COQ6: variants seen among roughly 807,000 people sequenced by gnomAD.
COQ6 encodes ubiquinone biosynthesis monooxygenase COQ6, mitochondrial.
In COQ6, 45 loss-of-function variants were observed where a neutral mutation model predicts 55.5. The observed-to-expected ratio is 0.81, with a 90% confidence interval of 0.64 to 1.04. COQ6 has a LOEUF of 1.04. Ranked by LOEUF, COQ6 falls within the 50% of genes least tolerant of loss-of-function variation. The pLI, the probability that COQ6 is intolerant of heterozygous loss-of-function variation, is 0.00. For synonymous variants in COQ6, 206 were observed against 230.5 expected, an observed-to-expected ratio of 0.89 and a Z score of 0.96; for missense variants, 550 against 601.3, an observed-to-expected ratio of 0.91 and a Z score of 0.89.
In COQ6 at chr14:73,959,737, T is replaced by C; in HGVS notation, c.891+215T>C. ...GGCACGTGCCACCATGCCCAGCTAA[T>C]TTTTCTATTTTTAGTAGAGATGAGG... On this transcript the variant is annotated intron_variant, in intron 8 of 11. Transcript: ENST00000334571. 2.6e-6 allele frequency: 3 copies of C among 1,156,828 alleles called. No individual in the cohort carries two copies. In the South Asian group the frequency reaches 4.9e-5, roughly 19 times the overall value. The allele number at this position is 1,156,828 out of a possible 1,614,324, so 71.7% of individuals were successfully genotyped here. A position where few individuals can be genotyped will look rare whatever the true frequency, so the allele number is the denominator to read the frequency against.
intron 8 of COQ6, chr14:73,960,020 T>G (rs1370869164): frequency 9.8e-7 from 1 of 1,022,200 alleles, no homozygotes; most frequent in Non-Finnish European, 1.2e-6. Context: ...TTTTGAGGGT[T>G]GTGGGCTGCT....
Position 73,963,100 on chromosome 14 carries a change from CT to C in COQ6, c.*104del. ...GATCTTATTTAATTTAATAAACTTACTTTACATTAAAATTCTCTTTTTCTTC... is the reference window on the plus strand; with the variant it reads ...GATCTTATTTAATTTAATAAACTTACTTACATTAAAATTCTCTTTTTCTTC... On this transcript the variant is annotated 3_prime_UTR_variant, in exon 12 of 12. Transcript: ENST00000334571. 1.0e-6 allele frequency: 1 copy of C among 1,004,044 alleles called. No individual in the cohort carries two copies. The highest frequency in any genetic ancestry group is 1.6e-6 in the Non-Finnish European group (1 of 634,390). 62.2% of individuals were successfully genotyped at this position (1,004,044 alleles called of 1,614,324 possible).
At position 73,963,655 on chromosome 14, in the gene COQ6, G is replaced by A. The variant is rs192569342; in HGVS notation, c.*656G>A. The A allele has an allele frequency of 2.2e-4, 33 of 152,640 alleles. No homozygotes were observed. Among genetic ancestry groups the A allele is most frequent in the South Asian group, 4.1e-4 (2 of 4,832 alleles). 9.5% of individuals were successfully genotyped at this position (152,640 alleles called of 1,614,324 possible). On this transcript the variant is annotated 3_prime_UTR_variant, in exon 12 of 12. Transcript: ENST00000334571. ...CAGGAACCAGATCACAAGGGAAACC[G>A]ATTAGCAGCAGAATTTGTTCATGTT...
upstream of COQ6, chr14:73,950,175 G>A (rs1357890955): frequency 1.3e-6 from 2 of 1,572,172 alleles, no homozygotes; most frequent in African/African-American, 2.7e-5. Flanking sequence ...CGCCCGAGGA[G>A]GCAAGGTTCG....
At chr14:73,954,442 G>T (rs576805480) in intron 2 of COQ6, among the ~76,000 whole-genome samples, 14 of 151,772 alleles carry the variant, frequency 9.2e-5, no homozygotes, top group African/African-American at 3.4e-4. Context: ...TCTTGAAAAA[G>T]AAAAAACAAA....
intron 2 of COQ6, among the ~76,000 whole-genome samples, chr14:73,954,816 C>T (rs1415409476): frequency 7.2e-6 from 1 of 138,844 alleles, no homozygotes; most frequent in Non-Finnish European, 1.5e-5. Context: ...TGCACTCCAG[C>T]CTGGGCTACA....
chr14:73,953,681 G>A (rs1566682910), intron 2 of COQ6, 112 bp downstream of exon 2: 8 of 1,429,978 alleles, frequency 5.6e-6, no homozygotes, highest in Admixed American at 1.7e-5. Flanking sequence ...GCTCACTGAG[G>A]TGGGTGGAGA....
At chr14:73,959,578 G>GT (rs771397966) in intron 8 of COQ6, 56 bp downstream of exon 8, 2 of 1,608,896 alleles carry the variant, frequency 1.2e-6, no homozygotes, top group South Asian at 1.1e-5. Context: ...ACAGAAAGGT[G>GT]TTGTTTTTTT....
intron 2 of COQ6, among the ~76,000 whole-genome samples, chr14:73,954,329 G>A (rs2056317713): frequency 6.6e-6 from 1 of 152,182 alleles, no homozygotes; most frequent in Non-Finnish European, 1.5e-5. Flanking sequence ...GCCAGGCACA[G>A]TCATGTGTAC....
chr14:73,950,145 G>T (rs1389896045), upstream of COQ6: 4 of 1,594,718 alleles, frequency 2.5e-6, no homozygotes, highest in African/African-American at 4.0e-5. Flanking sequence ...TTGGCTTCCA[G>T]GGCAGCCTCC....
chr14:73,960,540 G>T, intron 8 of COQ6: 5 of 1,004,340 alleles, frequency 5.0e-6, no homozygotes, highest in Non-Finnish European at 6.0e-6. Context: ...ACCCTACTCT[G>T]GGCCATTTAG....
intron 2 of COQ6, among the ~76,000 whole-genome samples, chr14:73,954,936 C>CTTTTTTTTTTTTTTTT (rs35787543): frequency 3.2e-5 from 4 of 126,174 alleles, no homozygotes; most frequent in Non-Finnish European, 4.8e-5. Context: ...GAAGCTGAGT[C>CTTTTTTTTTTTTTTTT]TTTTTTTTTT....
At chr14:73,960,296 A>T in intron 8 of COQ6, 1 of 985,834 alleles carries the variant, frequency 1.0e-6, no homozygotes, top group Non-Finnish European at 1.2e-6. Flanking sequence ...AAATGAGAGA[A>T]CTTTTGTAAA....
upstream of COQ6, chr14:73,950,274 G>T: frequency 6.5e-7 from 1 of 1,539,506 alleles, no homozygotes; most frequent in South Asian, 1.2e-5. Context: ...GCTCTGCTCC[G>T]GACGCACTAC....
chr14:73,962,526 C>T (rs2056790290), intron 11 of COQ6, among the ~76,000 whole-genome samples: 1 of 147,166 alleles, frequency 6.8e-6, no homozygotes, highest in South Asian at 2.2e-4. Context: ...ATCATTGTTA[C>T]TCAGACTGGG....
rs762675943 is a variant in COQ6 at position 73,959,069 on chromosome 14, T to C, written c.711T>C (p.His237=). The C allele has an allele frequency of 1.2e-6, 2 of 1,614,168 alleles. No homozygotes were observed. The highest frequency in any genetic ancestry group is 3.3e-5 in the Admixed American group (2 of 60,012). ...AGTCTGCTGTTGTGGCTACTCTGCA[T>C]TTATCAGAGGTAAGATCCTGAGCTG... ...YDQSAVVATL[H]LSEATENNVA... Residue 237 remains histidine, a synonymous_variant, in exon 6 of 12, where the codon CAT becomes CAC. Transcript: ENST00000334571.
intron 1 of COQ6, among the ~76,000 whole-genome samples, chr14:73,951,701 A>G (rs1206676968): frequency 1.8e-5 from 2 of 110,900 alleles, no homozygotes; most frequent in East Asian, 2.3e-4. Context: ...GTGTTTTTTT[A>G]TATGTGACCC....
intron 4 of COQ6, chr14:73,956,928 G>A (rs2056461690): frequency 6.6e-6 from 1 of 151,920 alleles, no homozygotes; most frequent in Non-Finnish European, 1.5e-5. Context: ...ATAATATATT[G>A]GGTCATATGA....
upstream of COQ6, chr14:73,950,212 G>T (rs755368687): frequency 2.6e-6 from 4 of 1,542,818 alleles, no homozygotes; most frequent in Middle Eastern, 5.0e-4. Flanking sequence ...TTTTCTCCGC[G>T]CATTTTATTT....
Sources: allele counts gnomAD v4.1 joint callset (sites outside exome capture counted in the v4.1 genomes callset), GRCh38; gene constraint gnomAD v4.1.1; transcripts MANE v1.5; gene names NCBI Gene and HGNC (gene_info 2026-07-23, HGNC 2026-07-21).